TCF3: variants seen among roughly 807,000 people sequenced by gnomAD.
TCF3 encodes transcription factor 3.
Under a neutral mutation model 72.3 loss-of-function variants are expected in TCF3, and 54 were observed. The observed-to-expected ratio is 0.75, with a 90% confidence interval of 0.60 to 0.94. The LOEUF is 0.94. Among genes scored for constraint, TCF3 ranks in the 40% least tolerant of loss-of-function variants. The pLI is 0.00. For synonymous variants in TCF3, 525 were observed against 412.6 expected, an observed-to-expected ratio of 1.27 and a Z score of -3.30; for missense variants, 1,078 against 934.4, an observed-to-expected ratio of 1.15 and a Z score of -2.00.
rs532330423 is a variant in TCF3, at chr19:1,614,244, G to C, written c.1822+1041C>G. Among the ~76,000 whole-genome samples, 79 of 152,368 alleles carry C rather than the reference G, an allele frequency of 5.2e-4. No homozygotes were observed. The highest frequency in any genetic ancestry group is 1.9e-3 in the African/African-American group (79 of 41,592). On this transcript the variant is annotated intron_variant, in intron 18 of 18. Coordinates refer to ENST00000262965, the MANE Select transcript of TCF3 (RefSeq NM_003200.5). This position sits in a 1 kb window ranked among gnomAD's most constrained non-coding sequence, Gnocchi z 5.6. ...TTAGGGGCCTGAGGGGATCCCTCCA[G>C]GTGGTGGGGGCGGCCCCTGGAGCCC...
At chr19:1,632,011 A>G (rs1471402177) in intron 5 of TCF3, 27 bp downstream of exon 5, 2 of 1,608,982 alleles carry the variant, frequency 1.2e-6, no homozygotes, top group African/African-American at 1.3e-5. Context: ...TGCACAGCAG[A>G]GGGACCGCAC....
At chr19:1,631,875 A>AC in intron 5 of TCF3, 163 bp downstream of exon 5, 12 of 1,514,134 alleles carry the variant, frequency 7.9e-6, no homozygotes, top group Non-Finnish European at 1.1e-5. Flanking sequence ...CGTCCCCTGC[A>AC]CCTCCCCGCA....
chr19:1,623,255 G>A (rs984721378), intron 8 of TCF3, among the ~76,000 whole-genome samples: 2 of 152,136 alleles, frequency 1.3e-5, no homozygotes, highest in African/African-American at 4.8e-5. Context: ...TCCCTCCAGC[G>A]AGATGAGACC....
chr19:1,649,901 C>G (rs926249054), intron 2 of TCF3, among the ~76,000 whole-genome samples: 4 of 152,228 alleles, frequency 2.6e-5, no homozygotes, highest in Non-Finnish European at 5.9e-5. Context: ...AAGCTGGGGG[C>G]CCAGGACCAT....
chr19:1,621,742 C>T, intron 11 of TCF3, 96 bp downstream of exon 11: 9 of 1,425,890 alleles, frequency 6.3e-6, no homozygotes, highest in Non-Finnish European at 8.3e-6. Context: ...GCAGACGCGC[C>T]TGCGCCTCCC....
intron 2 of TCF3, among the ~76,000 whole-genome samples, chr19:1,648,674 C>T (rs998784499): frequency 1.3e-5 from 2 of 152,246 alleles, no homozygotes; most frequent in African/African-American, 4.8e-5. Context: ...TTTTTTTCCG[C>T]AGGGTGGCCG....
chr19:1,637,681 G>C (rs959677657), intron 3 of TCF3, among the ~76,000 whole-genome samples: 3 of 152,176 alleles, frequency 2.0e-5, no homozygotes, highest in African/African-American at 7.2e-5. Context: ...AGGCCAAGGC[G>C]GGCGGATCAC....
At chr19:1,629,717 T>A (rs1347440807) in intron 5 of TCF3, among the ~76,000 whole-genome samples, 3 of 152,192 alleles carry the variant, frequency 2.0e-5, no homozygotes, top group Non-Finnish European at 4.4e-5. Flanking sequence ...GGGCACGGAA[T>A]GTGACTGGGG....
intron 1 of TCF3, chr19:1,651,012 G>C (rs2066943599): frequency 8.6e-6 from 2 of 231,710 alleles, no homozygotes; most frequent in Non-Finnish European, 1.7e-5. Context: ...ATGTATCCGG[G>C]AATTATTTTT....
At chr19:1,651,845 G>A (rs1372600941) in intron 1 of TCF3, among the ~76,000 whole-genome samples, 4 of 149,156 alleles carry the variant, frequency 2.7e-5, no homozygotes, top group Admixed American at 2.0e-4. Context: ...GCAGCGCGCG[G>A]CACCTTCCCC....
Position 1,610,433 on chromosome 19 carries a change from G to A in TCF3, c.*1274C>T. 1 of 231,004 alleles carries A rather than the reference G, an allele frequency of 4.3e-6. No individual in the cohort carries two copies. The highest frequency in any genetic ancestry group is 8.6e-6 in the Non-Finnish European group (1 of 116,746). The allele number at this position is 231,004 out of a possible 1,614,324, so 14.3% of individuals were successfully genotyped here. On this transcript the variant is annotated 3_prime_UTR_variant, in exon 19 of 19. Coordinates refer to ENST00000262965, the MANE Select transcript of TCF3 (RefSeq NM_003200.5). ...AATGGGGACATGGTGGGGTGGGGTG[G>A]GGGGTGTCCTGTGCTGGCTCCTGAG... is the stretch of plus-strand genomic sequence containing the variant.
chr19:1,646,573 G>A (rs1600138007), intron 2 of TCF3, 146 bp from the exon 3 acceptor site: 4 of 689,530 alleles, frequency 5.8e-6, no homozygotes, highest in East Asian at 2.8e-5. Flanking sequence ...GTCCTGCTCC[G>A]CCCCATCACA....
chr19:1,631,845 G>C, intron 5 of TCF3, 193 bp downstream of exon 5: 1 of 1,432,106 alleles, frequency 7.0e-7, no homozygotes, highest in Admixed American at 2.0e-5. Context: ...GCAGAGTGCC[G>C]TGCCAGGGAG....
At chr19:1,630,713 G>T (rs1392837863) in intron 5 of TCF3, among the ~76,000 whole-genome samples, 1 of 152,172 alleles carries the variant, frequency 6.6e-6, no homozygotes, top group African/African-American at 2.4e-5. Flanking sequence ...ACTGAGGGAT[G>T]AAACCACAAA....
At chr19:1,642,935 A>G (rs2065549420) in intron 3 of TCF3, among the ~76,000 whole-genome samples, 1 of 152,204 alleles carries the variant, frequency 6.6e-6, no homozygotes, top group Non-Finnish European at 1.5e-5. Context: ...ACCGTGTGTC[A>G]CACTTACAAT....
intron 1 of TCF3, among the ~76,000 whole-genome samples, chr19:1,651,730 G>C (rs993961915): frequency 6.6e-6 from 1 of 151,902 alleles, no homozygotes. Context: ...TGCGGCCCGG[G>C]AGCCTTTGAA....
intron 3 of TCF3, 106 bp downstream of exon 3, chr19:1,646,249 A>G: frequency 1.6e-6 from 2 of 1,241,014 alleles, no homozygotes; most frequent in Non-Finnish European, 2.3e-6. Context: ...CCCTTTCCCC[A>G]TTGTCTCCCT....
In TCF3 at chr19:1,640,697, A is replaced by T. The variant is rs190610191; in HGVS notation, c.145+5658T>A. Among the ~76,000 whole-genome samples, 866 of 152,102 alleles carry T rather than the reference A, an allele frequency of 5.7e-3. 8 individuals are homozygous for T. Among genetic ancestry groups the T allele is most frequent in the Admixed American group, 0.011 (165 of 15,282 alleles). ...GCCGGCACCTGTAGTCCCAGCTACTAGGGAGGCTAGGCAGGAGAATGGCGT... is the reference window on the plus strand; with the variant it reads ...GCCGGCACCTGTAGTCCCAGCTACTTGGGAGGCTAGGCAGGAGAATGGCGT... On this transcript the variant is annotated intron_variant, in intron 3 of 18. Transcript: ENST00000262965.
chr19:1,615,044 A>G lies in TCF3; in HGVS notation c.1822+241T>C, dbSNP rs895101482. 6.6e-6 allele frequency among the ~76,000 whole-genome samples: 1 copy of G among 152,140 alleles called. No individual in the cohort carries two copies. Among genetic ancestry groups the G allele is most frequent in the Non-Finnish European group, 1.5e-5 (1 of 68,014 alleles). On this transcript the variant is annotated intron_variant, in intron 18 of 18. Transcript: ENST00000262965. The surrounding 1 kb of genome is among the most constrained non-coding windows in gnomAD (Gnocchi z 7.3). Reference sequence around the variant, plus strand: ...CAGGCCTGAAGGACTAGGGGTCCAGAAAGAGTCCAGTCCTCCCACTGTGGA... The same window carrying G: ...CAGGCCTGAAGGACTAGGGGTCCAGGAAGAGTCCAGTCCTCCCACTGTGGA...
Sources: allele counts gnomAD v4.1 joint callset (sites outside exome capture counted in the v4.1 genomes callset), GRCh38; gene constraint gnomAD v4.1.1; non-coding constraint Gnocchi (gnomAD v3.1); transcripts MANE v1.5; gene names NCBI Gene and HGNC (gene_info 2026-07-23, HGNC 2026-07-21).